The following PTPN9 variants were observed in gnomAD, a reference collection of about 807,000 sequenced individuals.
PTPN9 encodes the protein protein tyrosine phosphatase non-receptor type 9, also known as tyrosine-protein phosphatase non-receptor type 9.
In PTPN9, 26 loss-of-function variants were observed where a neutral mutation model predicts 69.8. The ratio of observed to expected loss-of-function variants is 0.37; its 90% CI spans 0.27 to 0.52. The LOEUF (loss-of-function observed/expected upper bound fraction) is 0.52, where lower values mean the gene tolerates loss of function less well. PTPN9 is among the 20% of genes least tolerant of loss of function. The pLI is 0.91. For synonymous variants in PTPN9, 274 were observed against 272.5 expected (o/e 1.01, Z -0.05); for missense variants, 549 against 740.3 (o/e 0.74, Z 3.00).
chr15:75,509,222 A>T (rs2074834423), intron 5 of PTPN9, among the ~76,000 whole-genome samples, 195 bp from the exon 6 acceptor site: 1 of 152,256 alleles, frequency 6.6e-6, no homozygotes, highest in South Asian at 2.1e-4. Context: ...ACCTTTAAAA[A>T]TAACAATGTT....
At chr15:75,504,883 A>C (rs2074808959) in intron 7 of PTPN9, among the ~76,000 whole-genome samples, 1 of 151,260 alleles carries the variant, frequency 6.6e-6, no homozygotes, top group Non-Finnish European at 1.5e-5. Context: ...CCGGGAGGTG[A>C]GGGGCACCTC....
rs184011234 is a variant in PTPN9 at position 75,541,606 on chromosome 15, C to A, written c.64-14345G>T. On this transcript the variant is annotated intron_variant, in intron 1 of 12. Coordinates refer to ENST00000618819, the MANE Select transcript of PTPN9 (RefSeq NM_002833.4). The stretch of plus-strand genomic sequence containing the variant: ...TATTTTTAGTAGAGACGGGATTTCA[C>A]CGTGTTAGCCAGGATGGTCTTGATC... Among the ~76,000 whole-genome samples, 294 of 151,870 alleles carry A rather than the reference C, an allele frequency of 1.9e-3. 2 individuals are homozygous for A. The highest frequency in any genetic ancestry group is 3.7e-3 in the Non-Finnish European group (249 of 67,986).
In PTPN9 at chr15:75,464,389, G is replaced by A. The variant is rs1350235524; in HGVS notation, c.*4380C>T. On this transcript the variant is annotated 3_prime_UTR_variant, in exon 13 of 13. Coordinates refer to ENST00000618819, the MANE Select transcript of PTPN9 (RefSeq NM_002833.4). ...TCCCCTCTAACCTAGGCAACAGAGTGAGACTCTGTCTCTGAAAGTAAAAAA... is the reference window on the plus strand; with the variant it reads ...TCCCCTCTAACCTAGGCAACAGAGTAAGACTCTGTCTCTGAAAGTAAAAAA... The A allele has an allele frequency of 1.3e-5, 2 of 152,138 alleles. No individual in the cohort carries two copies. The highest frequency in any genetic ancestry group is 2.4e-5 in the African/African-American group (1 of 41,404). The allele number at this position is 152,138 out of a possible 1,614,324, so 9.4% of individuals were successfully genotyped here. A position where few individuals can be genotyped will look rare whatever the true frequency, so the allele number is the denominator to read the frequency against.
chr15:75,560,374 C>A lies in PTPN9; in HGVS notation c.63+18340G>T, dbSNP rs527855727. Among the ~76,000 whole-genome samples the A allele has an allele frequency of 2.6e-5, 4 of 152,204 alleles. No homozygotes were observed. The South Asian group carries it at 8.3e-4, about 32-fold the overall frequency. On this transcript the variant is annotated intron_variant, in intron 1 of 12. Transcript: ENST00000618819. The stretch of plus-strand genomic sequence containing the variant: ...TAAGTCCCTAACCTAGCCAGAAATA[C>A]CATTTTTTCTTCATTTTTGGGGTTT...
intron 1 of PTPN9, 105 bp downstream of exon 1, chr15:75,578,609 G>T (rs1436643307): frequency 2.1e-6 from 2 of 946,990 alleles, no homozygotes; most frequent in East Asian, 7.3e-5. Context: ...GGGAGCGGGG[G>T]GCTGCGGCCC....
At chr15:75,492,608 A>C (rs1301652379) in intron 7 of PTPN9, among the ~76,000 whole-genome samples, 1 of 152,222 alleles carries the variant, frequency 6.6e-6, no homozygotes, top group Admixed American at 6.5e-5. Flanking sequence ...CACTGGATAA[A>C]GTAAACAGCA....
intron 8 of PTPN9, chr15:75,480,600 C>G (rs1443590836): frequency 9.1e-7 from 1 of 1,103,290 alleles, no homozygotes; most frequent in Admixed American, 4.9e-5. Context: ...GCGCTGCGGC[C>G]TGGGGCAGTG....
intron 4 of PTPN9, among the ~76,000 whole-genome samples, chr15:75,521,588 G>A (rs2074905552): frequency 6.6e-6 from 1 of 152,132 alleles, no homozygotes; most frequent in Non-Finnish European, 1.5e-5. Flanking sequence ...GCTTATGCTT[G>A]TAATCCCAGC....
At chr15:75,563,675 TATTTTG>T (rs767604810) in intron 1 of PTPN9, among the ~76,000 whole-genome samples, 1 of 152,194 alleles carries the variant, frequency 6.6e-6, no homozygotes, top group Non-Finnish European at 1.5e-5. Flanking sequence ...TCAGCAAACA[TATTTTG>T]AACCCTCCAA....
chr15:75,521,999 C>T (rs2074907277), intron 4 of PTPN9, among the ~76,000 whole-genome samples: 1 of 152,148 alleles, frequency 6.6e-6, no homozygotes, highest in East Asian at 1.9e-4. Flanking sequence ...AATCAATGCG[C>T]CTGGCCTCAA....
chr15:75,506,771 G>C (rs910765020), intron 6 of PTPN9, among the ~76,000 whole-genome samples: 1 of 152,056 alleles, frequency 6.6e-6, no homozygotes, highest in African/African-American at 2.4e-5. Context: ...TAGGATCTCT[G>C]TGGAATGGGG....
chr15:75,504,116 G>A (rs1434118202), intron 7 of PTPN9, among the ~76,000 whole-genome samples: 28 of 117,356 alleles, frequency 2.4e-4, no homozygotes, highest in East Asian at 2.8e-4. Context: ...CGCCCCGTCC[G>A]GGAGGGAGGT....
At chr15:75,508,274 T>C (rs946511726) in intron 6 of PTPN9, among the ~76,000 whole-genome samples, 2 of 152,056 alleles carry the variant, frequency 1.3e-5, no homozygotes, top group African/African-American at 2.4e-5. Flanking sequence ...CCTAGGCTGG[T>C]CTCAAACTCC....
At chr15:75,524,915 C>A (rs2074921008) in intron 2 of PTPN9, among the ~76,000 whole-genome samples, 1 of 151,984 alleles carries the variant, frequency 6.6e-6, no homozygotes. Flanking sequence ...ACTTTATCAG[C>A]CCCTCAGGTA....
chr15:75,510,641 CTT>C (rs201005354), intron 5 of PTPN9, among the ~76,000 whole-genome samples: 20 of 142,108 alleles, frequency 1.4e-4, no homozygotes, highest in Admixed American at 1.4e-4. Context: ...AGAAAAAGTA[CTT>C]TTTTTTTTTT....
In PTPN9 at chr15:75,535,295, C is replaced by G. The variant is rs1208110264; in HGVS notation, c.64-8034G>C. ...ACAGGCCTGAGCCACCGCGCCCGGC[C>G]TCAACTGAAAACACTTTTTAAAGGA... On this transcript the variant is annotated intron_variant, in intron 1 of 12. Coordinates refer to ENST00000618819, the MANE Select transcript of PTPN9 (RefSeq NM_002833.4). Among the ~76,000 whole-genome samples the G allele has an allele frequency of 3.3e-5, 5 of 152,278 alleles. No homozygotes were observed. In the East Asian group the frequency reaches 9.6e-4, roughly 29 times the overall value.
intron 1 of PTPN9, among the ~76,000 whole-genome samples, chr15:75,577,667 ACTAGAGGCTGT>A (rs2075179562): frequency 6.6e-6 from 1 of 152,232 alleles, no homozygotes; most frequent in Admixed American, 6.5e-5. Context: ...CTGTCTTCAC[ACTAGAGGCTGT>A]GCTAGCAAAT....
intron 10 of PTPN9, among the ~76,000 whole-genome samples, chr15:75,472,637 C>T (rs367770081): frequency 1.1e-4 from 17 of 151,880 alleles, no homozygotes; most frequent in African/African-American, 4.1e-4. Context: ...ACTAAAAATC[C>T]AAAAATTAGC....
chr15:75,527,935 A>G (rs1307586457), intron 1 of PTPN9, among the ~76,000 whole-genome samples: 1 of 152,192 alleles, frequency 6.6e-6, no homozygotes. Flanking sequence ...TGCCTAATGC[A>G]GTGTAGTATA....
Sources: allele counts gnomAD v4.1 joint callset (sites outside exome capture counted in the v4.1 genomes callset), GRCh38; gene constraint gnomAD v4.1.1; transcripts MANE v1.5; gene names NCBI Gene and HGNC (gene_info 2026-07-23, HGNC 2026-07-21).